Variants in ZNF540 observed in about 807,000 individuals in gnomAD.
The protein encoded by ZNF540 is CTD-3064H18.6.
In ZNF540, 3 loss-of-function variants were observed where a neutral mutation model predicts 11.8. The ratio of observed to expected loss-of-function variants is 0.25; its 90% confidence interval spans 0.12 to 0.65. The LOEUF (loss-of-function observed/expected upper bound fraction) is 0.65, where lower values mean the gene tolerates loss of function less well. Ranked by LOEUF, ZNF540 falls within the 30% of genes least tolerant of loss-of-function variation. ZNF540 has a pLI of 0.83. For synonymous variants in ZNF540, 247 were observed against 259.0 expected, an observed-to-expected ratio of 0.95 and a Z score of 0.45; for missense variants, 709 against 793.1, an observed-to-expected ratio of 0.89 and a Z score of 1.27.
At chr19:37,609,684 C>T (rs1453197640) in intron 4 of ZNF540, among the ~76,000 whole-genome samples, 1 of 151,436 alleles carries the variant, frequency 6.6e-6, no homozygotes, top group African/African-American at 2.4e-5. Flanking sequence ...CCTGTCTCTA[C>T]TAAAAATACA....
intron 1 of ZNF540, chr19:37,555,984 G>C: frequency 1.4e-6 from 1 of 701,496 alleles, no homozygotes; most frequent in South Asian, 1.5e-5. Context: ...TCGACAGCTA[G>C]TGTCAGGGTG....
intron 1 of ZNF540, chr19:37,565,225 A>T (rs980726399): frequency 1.2e-6 from 2 of 1,613,308 alleles, no homozygotes; most frequent in East Asian, 2.2e-5. Context: ...TAGAATTAGA[A>T]ATAAAGGCTT....
intron 1 of ZNF540, among the ~76,000 whole-genome samples, chr19:37,589,826 C>A (rs1459032844): frequency 7.8e-6 from 1 of 127,642 alleles, no homozygotes; most frequent in Non-Finnish European, 1.6e-5. Context: ...GATCGCGCCA[C>A]TGCACTCCAG....
intron 1 of ZNF540, among the ~76,000 whole-genome samples, chr19:37,556,982 C>T (rs1600440349): frequency 6.6e-6 from 1 of 152,164 alleles, no homozygotes; most frequent in Admixed American, 6.5e-5. Context: ...GAACTATAGA[C>T]GAGGTGAAGG....
chr19:37,584,825 G>A (rs1480425478), intron 1 of ZNF540, among the ~76,000 whole-genome samples: 8 of 152,040 alleles, frequency 5.3e-5, no homozygotes, highest in Non-Finnish European at 1.0e-4. Flanking sequence ...TTAGCCGGGC[G>A]TGATGGTGGG....
Position 37,612,441 on chromosome 19 carries a change from G to C in ZNF540, c.1161G>C (p.Glu387Asp), listed in dbSNP as rs2044139116. ...GTAAGAAACCTTATGAATGTAAGGA[G>C]TGTGGGAAATCATTTAATGTGCGTG... ...HAGKKPYECK[E>D]CGKSFNVRGQ... The change falls in exon 5 of 5, where the codon GAG becomes GAC. Residue 387 changes from glutamate (E) to aspartate (D), a missense_variant. Transcript: ENST00000316433. The C allele has an allele frequency of 1.2e-6, 2 of 1,614,044 alleles. No homozygotes were observed. Among genetic ancestry groups the C allele is most frequent in the Non-Finnish European group, 1.7e-6 (2 of 1,180,004 alleles).
chr19:37,564,747 T>TACATTCATAGGGTTTCTCTCC, intron 1 of ZNF540: 1 of 1,613,622 alleles, frequency 6.2e-7, no homozygotes, highest in Non-Finnish European at 8.5e-7. Flanking sequence ...CCACATTCCT[T>TACATTCATAGGGTTTCTCTCC]ACATTCATAG....
intron 1 of ZNF540, among the ~76,000 whole-genome samples, chr19:37,573,630 C>G (rs1455798858): frequency 6.8e-6 from 1 of 147,962 alleles, no homozygotes; most frequent in Non-Finnish European, 1.5e-5. Context: ...AGTGCAAGAC[C>G]AGCCTGGGCA....
chr19:37,607,070 T>A (rs926659350), intron 4 of ZNF540, among the ~76,000 whole-genome samples: 4 of 152,126 alleles, frequency 2.6e-5, no homozygotes, highest in African/African-American at 9.7e-5. Flanking sequence ...ATATATATAT[T>A]TTGCAATATT....
chr19:37,552,044 T>C (rs1425279034), intron 1 of ZNF540, among the ~76,000 whole-genome samples: 1 of 152,156 alleles, frequency 6.6e-6, no homozygotes, highest in Non-Finnish European at 1.5e-5. Context: ...ACCATTGATA[T>C]GTATTTAAAA....
chr19:37,572,823 A>G (rs999641486), intron 1 of ZNF540, among the ~76,000 whole-genome samples: 7 of 152,246 alleles, frequency 4.6e-5, no homozygotes, highest in African/African-American at 1.7e-4. Context: ...ACCAATTACT[A>G]TAACTATTTA....
At chr19:37,568,925 CCAA>C (rs2042962569) in intron 1 of ZNF540, among the ~76,000 whole-genome samples, 1 of 151,956 alleles carries the variant, frequency 6.6e-6, no homozygotes, top group Non-Finnish European at 1.5e-5. Flanking sequence ...TACCTTATCA[CCAA>C]CACCACTGCT....
chr19:37,604,296 C>CTTTTTTTTTTTTTTTTTTTTTTT lies in ZNF540; in HGVS notation c.232+3198_232+3220dup, dbSNP rs769163050. ...CATAGAGCTTTGGAAAATAGCCTTA[C>CTTTTTTTTTTTTTTTTTTTTTTT]TTTTTTTTTTTTTTTTTTTTTTTTT... On this transcript the variant is annotated intron_variant, in intron 4 of 4. Transcript: ENST00000316433. 9.3e-5 allele frequency among the ~76,000 whole-genome samples: 7 copies of CTTTTTTTTTTTTTTTTTTTTTTT among 75,266 alleles called. 2 individuals are homozygous for CTTTTTTTTTTTTTTTTTTTTTTT. The highest frequency in any genetic ancestry group is 1.5e-4 in the Non-Finnish European group (6 of 39,490). 49.4% of individuals were successfully genotyped at this position (75,266 alleles called of 152,430 possible). A position where few individuals can be genotyped will look rare whatever the true frequency, so the allele number is the denominator to read the frequency against.
intron 1 of ZNF540, among the ~76,000 whole-genome samples, chr19:37,558,053 T>A (rs753880596): frequency 6.6e-6 from 1 of 152,046 alleles, no homozygotes; most frequent in Non-Finnish European, 1.5e-5. Flanking sequence ...TTTGAGATAT[T>A]AGGGAGGGCT....
intron 4 of ZNF540, among the ~76,000 whole-genome samples, chr19:37,608,759 G>C (rs781569679): frequency 6.6e-6 from 1 of 152,070 alleles, no homozygotes; most frequent in Admixed American, 6.6e-5. Flanking sequence ...CCATCGCTAG[G>C]TGTGACAGGA....
intron 1 of ZNF540, among the ~76,000 whole-genome samples, chr19:37,570,310 C>A (rs1258338164): frequency 6.6e-6 from 1 of 152,220 alleles, no homozygotes; most frequent in East Asian, 1.9e-4. Context: ...AACCTCTGCC[C>A]CGCCTGTGAT....
At chr19:37,586,690 T>G in intron 1 of ZNF540, 2 of 1,614,060 alleles carry the variant, frequency 1.2e-6, no homozygotes, top group Non-Finnish European at 1.7e-6. Flanking sequence ...TTTTTAGAAC[T>G]GATCAATTTT....
At chr19:37,598,064 G>A (rs560248682) in intron 1 of ZNF540, among the ~76,000 whole-genome samples, 40 of 152,308 alleles carry the variant, frequency 2.6e-4, no homozygotes, top group Non-Finnish European at 5.0e-4. Context: ...TGAGGGAAGA[G>A]AATCTACTCT....
intron 1 of ZNF540, among the ~76,000 whole-genome samples, chr19:37,582,179 T>C (rs2043494309): frequency 6.6e-6 from 1 of 152,166 alleles, no homozygotes; most frequent in Admixed American, 6.5e-5. Context: ...TATTGTTGAC[T>C]TACTTCTTTC....
Sources: gnomAD v4.1 joint callset for allele counts (sites outside exome capture counted in the v4.1 genomes callset) on GRCh38, gnomAD v4.1.1 for gene constraint, MANE v1.5 for transcripts, NCBI Gene and HGNC (gene_info 2026-07-23, HGNC 2026-07-21) for gene names.